The following MEIS1 variants were observed in gnomAD, a reference collection of about 807,000 sequenced individuals.
MEIS1 encodes homeobox protein Meis1.
Under a neutral mutation model 50.8 loss-of-function variants are expected in MEIS1, and 5 were observed. The observed-to-expected ratio is 0.10, with a 90% CI of 0.05 to 0.21. The LOEUF (loss-of-function observed/expected upper bound fraction) is 0.21. Ranked by LOEUF, MEIS1 falls within the 10% of genes least tolerant of loss-of-function variation. The probability of loss-of-function intolerance (pLI) is 1.00; values close to 1 mark genes in which losing one functional copy is unlikely to be tolerated. For synonymous variants in MEIS1, 176 were observed against 179.3 expected, an observed-to-expected ratio of 0.98 and a Z score of 0.15; for missense variants, 318 against 517.3, an observed-to-expected ratio of 0.61 and a Z score of 3.74.
Position 66,457,187 on chromosome 2 carries a change from C to T in MEIS1, c.631-6922C>T, listed in dbSNP as rs1401244335. On this transcript the variant is annotated intron_variant, in intron 6 of 12. Coordinates refer to ENST00000272369, the MANE Select transcript of MEIS1 (RefSeq NM_002398.3). ...TTTTTTTTTTTTTTTTTTAGAAATC[C>T]ACATAACTTTTTTTCCAGAATTACC... Among the ~76,000 whole-genome samples, 7 of 146,268 alleles carry T rather than the reference C, an allele frequency of 4.8e-5. No homozygotes were observed. The East Asian group carries it at 1.4e-3, about 29-fold the overall frequency.
At position 66,512,394 on chromosome 2, in the gene MEIS1, A is replaced by G; in HGVS notation, c.888+100A>G. On this transcript the variant is annotated intron_variant, in intron 8 of 12. Coordinates refer to ENST00000272369, the MANE Select transcript of MEIS1 (RefSeq NM_002398.3). ...AAAGTGATCCCTCTGGACTTGAAATATTTAATAAATAACTGTGTTCCCACA... is the reference window on the plus strand; with the variant it reads ...AAAGTGATCCCTCTGGACTTGAAATGTTTAATAAATAACTGTGTTCCCACA... 6 of 1,312,422 alleles carry G rather than the reference A, an allele frequency of 4.6e-6. No individual in the cohort carries two copies. In the South Asian group the frequency reaches 9.9e-5, roughly 22 times the overall value. The allele number at this position is 1,312,422 out of a possible 1,614,324, so 81.3% of individuals were successfully genotyped here.
In MEIS1 at chr2:66,471,645, GAA is replaced by G. The variant is rs1672763331; in HGVS notation, c.742+7426_742+7427del. On this transcript the variant is annotated intron_variant, in intron 7 of 12. Coordinates refer to ENST00000272369, the MANE Select transcript of MEIS1 (RefSeq NM_002398.3). Reference sequence around the variant, plus strand: ...AGAAATAAGTAGTAAGGAAGTATATGAATAATGATGTTGTGTCAGTTCATCAT... The same window carrying G: ...AGAAATAAGTAGTAAGGAAGTATATGTAATGATGTTGTGTCAGTTCATCAT... Among the ~76,000 whole-genome samples the G allele has an allele frequency of 3.9e-5, 6 of 152,192 alleles. No homozygotes were observed. In the South Asian group the frequency reaches 1.2e-3, roughly 32 times the overall value.
intron 7 of MEIS1, among the ~76,000 whole-genome samples, chr2:66,499,672 C>T (rs903394327): frequency 2.1e-5 from 3 of 144,446 alleles, no homozygotes; most frequent in South Asian, 2.2e-4. Context: ...GCCACACAGA[C>T]CAGTGAAGTG....
chr2:66,565,441 T>C (rs1572909091), intron 9 of MEIS1, among the ~76,000 whole-genome samples: 1 of 152,304 alleles, frequency 6.6e-6, no homozygotes, highest in East Asian at 1.9e-4. Flanking sequence ...CAGCTAATTT[T>C]TATATATCTA....
rs957444246 is a variant in MEIS1, at chr2:66,480,999, T to TAA, written c.742+16789_742+16790dup. On this transcript the variant is annotated intron_variant, in intron 7 of 12. Coordinates refer to ENST00000272369, the MANE Select transcript of MEIS1 (RefSeq NM_002398.3). ...AAAGACTGTAGCCTAGAATCTCTGT[T>TAA]AAAAAAAAAAACAAAAAAACAAAAA... Among the ~76,000 whole-genome samples the TAA allele has an allele frequency of 3.5e-3, 511 of 144,574 alleles. 2 individuals are homozygous for TAA. Among genetic ancestry groups the TAA allele is most frequent in the African/African-American group, 0.012 (475 of 39,456 alleles). The allele number at this position is 144,574 out of a possible 152,430, so 94.8% of individuals were successfully genotyped here.
intron 8 of MEIS1, among the ~76,000 whole-genome samples, chr2:66,527,901 TG>T: frequency 6.6e-6 from 1 of 152,088 alleles, no homozygotes; most frequent in East Asian, 1.9e-4. Context: ...GAAAGTCAAA[TG>T]TTTTTTGAGG....
intron 8 of MEIS1, among the ~76,000 whole-genome samples, chr2:66,528,096 T>A (rs1360221074): frequency 6.6e-6 from 1 of 152,082 alleles, no homozygotes; most frequent in Non-Finnish European, 1.5e-5. Flanking sequence ...GAGTACAAGA[T>A]ATGTTGGAGG....
intron 9 of MEIS1, among the ~76,000 whole-genome samples, chr2:66,550,791 C>T (rs1404283251): frequency 1.3e-5 from 2 of 152,134 alleles, no homozygotes; most frequent in Non-Finnish European, 2.9e-5. Flanking sequence ...AGCTACTGCA[C>T]CCACTTATAA....
At chr2:66,513,358 G>T (rs143510837) in intron 8 of MEIS1, among the ~76,000 whole-genome samples, 1 of 152,026 alleles carries the variant, frequency 6.6e-6, no homozygotes, top group East Asian at 1.9e-4. Context: ...AGTTAATCTT[G>T]CATTGTCATA....
chr2:66,537,761 A>G (rs951852821), intron 8 of MEIS1, among the ~76,000 whole-genome samples: 8 of 152,230 alleles, frequency 5.3e-5, no homozygotes, highest in Non-Finnish European at 8.8e-5. Flanking sequence ...AATGGTTTCA[A>G]AATCCTTTCT....
At position 66,571,714 on chromosome 2, in the gene MEIS1, T is replaced by C. The variant is rs987932676; in HGVS notation, c.*506T>C. On this transcript the variant is annotated 3_prime_UTR_variant, in exon 13 of 13. Coordinates refer to ENST00000272369, the MANE Select transcript of MEIS1 (RefSeq NM_002398.3). Reference sequence around the variant, plus strand: ...ATTTGGGGGACATGCTAAATAACTATATAAGACATTAAGAGAACAAAGAGT... The same window carrying C: ...ATTTGGGGGACATGCTAAATAACTACATAAGACATTAAGAGAACAAAGAGT... 1.1e-5 allele frequency: 7 copies of C among 616,980 alleles called. No individual in the cohort carries two copies. The highest frequency in any genetic ancestry group is 9.2e-5 in the African/African-American group (5 of 54,086). 38.2% of individuals were successfully genotyped at this position (616,980 alleles called of 1,614,324 possible).
chr2:66,452,106 A>G (rs1672290129), intron 6 of MEIS1, among the ~76,000 whole-genome samples: 1 of 151,910 alleles, frequency 6.6e-6, no homozygotes, highest in Non-Finnish European at 1.5e-5. Flanking sequence ...CAGTACAATT[A>G]ATTAGGCATT....
At chr2:66,534,981 T>C (rs1441454392) in intron 8 of MEIS1, among the ~76,000 whole-genome samples, 1 of 152,334 alleles carries the variant, frequency 6.6e-6, no homozygotes, top group South Asian at 2.1e-4. Context: ...GATTTTAGTT[T>C]AAGTTTTAGT....
At chr2:66,515,783 A>C (rs1305628145) in intron 8 of MEIS1, among the ~76,000 whole-genome samples, 1 of 152,196 alleles carries the variant, frequency 6.6e-6, no homozygotes, top group Non-Finnish European at 1.5e-5. Flanking sequence ...TTAAATAATA[A>C]GAGAGAATTA....
At chr2:66,539,552 G>C (rs1674600321) in intron 8 of MEIS1, among the ~76,000 whole-genome samples, 1 of 152,116 alleles carries the variant, frequency 6.6e-6, no homozygotes, top group African/African-American at 2.4e-5. Context: ...GTGAACTTGA[G>C]AACTTCCTTT....
intron 6 of MEIS1, among the ~76,000 whole-genome samples, chr2:66,460,792 G>A (rs886177118): frequency 6.6e-6 from 1 of 151,998 alleles, no homozygotes; most frequent in South Asian, 2.1e-4. Context: ...CTAGCCCTGT[G>A]AACATCTCCT....
At chr2:66,469,543 A>T (rs1323222729) in intron 7 of MEIS1, among the ~76,000 whole-genome samples, 1 of 152,190 alleles carries the variant, frequency 6.6e-6, no homozygotes, top group East Asian at 1.9e-4. Context: ...GAAGAAGAAA[A>T]GTAATAACAG....
At chr2:66,469,251 G>A (rs1030514385) in intron 7 of MEIS1, among the ~76,000 whole-genome samples, 4 of 151,126 alleles carry the variant, frequency 2.6e-5, no homozygotes, top group African/African-American at 9.7e-5. Context: ...TTAATGCTAA[G>A]CACTGCATTT....
Position 66,435,634 on chromosome 2 carries a change from G to A in MEIS1, c.-223G>A, listed in dbSNP as rs1044960048. ...TGCCCCCGCTGCTGTCTTGGAAACG[G>A]AGCGCTTTTATGCTCAGTGACTCGG... is the stretch of plus-strand genomic sequence containing the variant. On this transcript the variant is annotated 5_prime_UTR_variant, in exon 1 of 13. Transcript: ENST00000272369. 2 of 415,650 alleles carry A rather than the reference G, an allele frequency of 4.8e-6. No homozygotes were observed. Among genetic ancestry groups the A allele is most frequent in the Non-Finnish European group, 8.6e-6 (2 of 232,260 alleles). 25.7% of individuals were successfully genotyped at this position (415,650 alleles called of 1,614,324 possible).
Sources: allele counts gnomAD v4.1 joint callset (sites outside exome capture counted in the v4.1 genomes callset), GRCh38; gene constraint gnomAD v4.1.1; transcripts MANE v1.5; gene names NCBI Gene and HGNC (gene_info 2026-07-23, HGNC 2026-07-21).